Variants in MYRIP observed in about 807,000 individuals in gnomAD.
MYRIP encodes myosin VIIA and Rab interacting protein.
A neutral mutation model predicts 98.0 loss-of-function variants in MYRIP; 49 were observed. The ratio of observed to expected loss-of-function variants is 0.50; its 90% CI spans 0.40 to 0.63. The LOEUF (loss-of-function observed/expected upper bound fraction) is 0.63, where lower values mean the gene tolerates loss of function less well. Among genes scored for constraint, MYRIP ranks in the 30% least tolerant of loss-of-function variants. The pLI, the probability that MYRIP is intolerant of heterozygous loss-of-function variation, is 0.00. For synonymous variants in MYRIP, 404 were observed against 409.5 expected, an observed-to-expected ratio of 0.99 and a Z score of 0.16; for missense variants, 1,004 against 1,058.2, an observed-to-expected ratio of 0.95 and a Z score of 0.71.
chr3:40,188,271 G>A (rs193154461), intron 9 of MYRIP, among the ~76,000 whole-genome samples: 2 of 152,324 alleles, frequency 1.3e-5, no homozygotes, highest in East Asian at 3.9e-4. Flanking sequence ...ATGTGGAGCA[G>A]TAGCAGTTTA....
chr3:40,037,167 A>G (rs1947402659), intron 2 of MYRIP, among the ~76,000 whole-genome samples: 3 of 152,034 alleles, frequency 2.0e-5, no homozygotes, highest in African/African-American at 7.2e-5. Flanking sequence ...GCATTTTTGC[A>G]TAAGATAAAA....
intron 8 of MYRIP, 25 bp from the exon 9 acceptor site, chr3:40,182,195 C>A: frequency 6.3e-7 from 1 of 1,585,396 alleles, no homozygotes; most frequent in East Asian, 2.3e-5. Flanking sequence ...ATGAGCTCAC[C>A]CCTTCCCCTC....
chr3:39,872,665 A>G (rs1942839802), intron 1 of MYRIP, among the ~76,000 whole-genome samples: 1 of 151,844 alleles, frequency 6.6e-6, no homozygotes, highest in South Asian at 2.1e-4. Context: ...AAGGACATGA[A>G]CTCATCATTT....
In MYRIP at chr3:39,867,126, T is replaced by A. The variant is rs1352074321; in HGVS notation, c.-30-33661T>A. ...GTGTTGAGAAAACTGGATATCCGCC[T>A]GCCAAAAAATAAAATAGGGCTCCTC... On this transcript the variant is annotated intron_variant, in intron 1 of 16. Coordinates refer to ENST00000302541, the MANE Select transcript of MYRIP (RefSeq NM_015460.4). Among the ~76,000 whole-genome samples, 3 of 152,112 alleles carry A rather than the reference T, an allele frequency of 2.0e-5. No individual in the cohort carries two copies. The East Asian group carries it at 5.8e-4, about 29-fold the overall frequency.
chr3:39,945,924 G>T (rs1255165012), intron 2 of MYRIP, among the ~76,000 whole-genome samples: 4 of 152,000 alleles, frequency 2.6e-5, no homozygotes, highest in Admixed American at 2.6e-4. Flanking sequence ...GGAAAATTCT[G>T]TAGGCATATC....
rs1300302941 is a variant in MYRIP at position 39,822,860 on chromosome 3, A to AT, written c.-31+12947dup. On this transcript the variant is annotated intron_variant, in intron 1 of 16. Transcript: ENST00000302541. ...CATTCATGTTTCCACAAATGACAGG[A>AT]TTTGATTCTTTTTTTTTTTTTATGG... Among the ~76,000 whole-genome samples the AT allele has an allele frequency of 7.3e-5, 9 of 123,998 alleles. No individual in the cohort carries two copies. The East Asian group carries it at 2.0e-3, about 27-fold the overall frequency. The allele number at this position is 123,998 out of a possible 152,430, so 81.3% of individuals were successfully genotyped here.
intron 3 of MYRIP, among the ~76,000 whole-genome samples, chr3:40,084,984 G>A (rs1948592118): frequency 6.8e-6 from 1 of 147,060 alleles, no homozygotes; most frequent in Non-Finnish European, 1.5e-5. Flanking sequence ...GTTACATATC[G>A]ATAATATATA....
chr3:40,033,117 T>G (rs1162565071), intron 2 of MYRIP, among the ~76,000 whole-genome samples: 3 of 149,976 alleles, frequency 2.0e-5, no homozygotes, highest in African/African-American at 7.3e-5. Flanking sequence ...AATATCATAC[T>G]GAATGGGCAA....
intron 1 of MYRIP, among the ~76,000 whole-genome samples, chr3:39,878,469 T>C (rs1943070121): frequency 2.6e-5 from 4 of 152,174 alleles, no homozygotes; most frequent in Admixed American, 2.0e-4. Context: ...ACCAGAGCTG[T>C]TCCTATTCGG....
At chr3:39,908,832 T>A (rs556572649) in intron 2 of MYRIP, among the ~76,000 whole-genome samples, 4 of 152,320 alleles carry the variant, frequency 2.6e-5, no homozygotes, top group Admixed American at 6.5e-5. Flanking sequence ...GGAAGACAGA[T>A]CACCTTGTCT....
intron 3 of MYRIP, among the ~76,000 whole-genome samples, chr3:40,067,504 T>A (rs956766341): frequency 1.3e-5 from 2 of 152,126 alleles, no homozygotes; most frequent in Non-Finnish European, 2.9e-5. Flanking sequence ...GCCAAGAAGA[T>A]CTGTTCCCTC....
chr3:40,178,556 A>G (rs1048618610), intron 8 of MYRIP, among the ~76,000 whole-genome samples: 2 of 152,156 alleles, frequency 1.3e-5, no homozygotes, highest in African/African-American at 2.4e-5. Flanking sequence ...AAGTTATTCA[A>G]TCCTGACTCT....
intron 2 of MYRIP, among the ~76,000 whole-genome samples, chr3:39,994,162 A>C (rs892987648): frequency 6.6e-6 from 1 of 152,230 alleles, no homozygotes; most frequent in Non-Finnish European, 1.5e-5. Flanking sequence ...TACTGGGTTC[A>C]TCTCACTGGG....
chr3:40,005,191 A>C (rs1946606173), intron 2 of MYRIP, among the ~76,000 whole-genome samples: 1 of 152,128 alleles, frequency 6.6e-6, no homozygotes, highest in Admixed American at 6.5e-5. Flanking sequence ...ACTGATGGGC[A>C]CCTAGATTGA....
At chr3:39,820,746 CCAAT>C (rs1190597424) in intron 1 of MYRIP, among the ~76,000 whole-genome samples, 1 of 152,150 alleles carries the variant, frequency 6.6e-6, no homozygotes, top group African/African-American at 2.4e-5. Context: ...CAGAAACCCA[CCAAT>C]CAATTTTTCA....
intron 2 of MYRIP, among the ~76,000 whole-genome samples, chr3:40,036,856 C>G (rs1034025722): frequency 6.6e-6 from 1 of 152,006 alleles, no homozygotes; most frequent in African/African-American, 2.4e-5. Flanking sequence ...AATCAATAGC[C>G]ATGTAGAACA....
intron 3 of MYRIP, among the ~76,000 whole-genome samples, chr3:40,069,411 CT>C (rs146856916): frequency 0.026 from 3,664 of 139,852 alleles, 147 homozygotes; most frequent in African/African-American, 0.088. Flanking sequence ...TTTTTTTTTG[CT>C]TTTTAAAGTG....
At chr3:39,972,218 T>G (rs1293548323) in intron 2 of MYRIP, among the ~76,000 whole-genome samples, 3 of 152,080 alleles carry the variant, frequency 2.0e-5, no homozygotes. Flanking sequence ...CCTGGAATTT[T>G]CTCTTTCAGT....
intron 2 of MYRIP, among the ~76,000 whole-genome samples, chr3:39,983,360 AT>A (rs528506185): frequency 4.7e-4 from 72 of 152,238 alleles, no homozygotes; most frequent in Non-Finnish European, 9.4e-4. Context: ...TCAGGTATAC[AT>A]TCATATTATT....
Sources: allele counts gnomAD v4.1 joint callset (sites outside exome capture counted in the v4.1 genomes callset), GRCh38; gene constraint gnomAD v4.1.1; transcripts MANE v1.5; gene names NCBI Gene and HGNC (gene_info 2026-07-23, HGNC 2026-07-21).